DLGAP2: variants seen among roughly 807,000 people sequenced by gnomAD.
The protein encoded by DLGAP2 is DLG associated protein 2, also known as disks large-associated protein 2.
Under a neutral mutation model 100.3 loss-of-function variants are expected in DLGAP2, and 26 were observed. That is an observed-to-expected ratio of 0.26 (90% CI 0.19 to 0.36). DLGAP2 has a LOEUF of 0.36. DLGAP2 is among the 10% of genes least tolerant of loss of function. DLGAP2 has a pLI of 1.00. For synonymous variants in DLGAP2, 886 were observed against 630.1 expected (o/e 1.41, Z -6.08); for missense variants, 1,858 against 1,453.2 (o/e 1.28, Z -4.53).
intron 3 of DLGAP2, among the ~76,000 whole-genome samples, chr8:1,260,597 G>C (rs550403521): frequency 3.4e-4 from 51 of 152,056 alleles, no homozygotes; most frequent in Non-Finnish European, 7.2e-4. Context: ...CTCAGGGATG[G>C]ATATTGGATG....
At chr8:1,534,758 G>A (rs143980836) in intron 4 of DLGAP2, among the ~76,000 whole-genome samples, 1 of 147,444 alleles carries the variant, frequency 6.8e-6, no homozygotes, top group African/African-American at 2.6e-5. Context: ...GTGTTTGTGT[G>A]TGCATGTGTG....
At chr8:1,699,469 C>G (rs1244198988) in intron 14 of DLGAP2, among the ~76,000 whole-genome samples, 1 of 151,324 alleles carries the variant, frequency 6.6e-6, no homozygotes, top group Non-Finnish European at 1.5e-5. Flanking sequence ...AAAAAATTAG[C>G]CAGGCGTGGT....
chr8:1,215,847 GGTTC>G (rs1467375069), intron 2 of DLGAP2, among the ~76,000 whole-genome samples: 15 of 141,560 alleles, frequency 1.1e-4, no homozygotes, highest in African/African-American at 2.9e-4. Context: ...TACCTGGATG[GGTTC>G]ATTTGGGTGC....
chr8:1,039,726 T>C lies in DLGAP2; in HGVS notation c.73+131760T>C, dbSNP rs1274562426. Among the ~76,000 whole-genome samples, 66 of 83,270 alleles carry C rather than the reference T, an allele frequency of 7.9e-4. 1 individual carries two copies. The highest frequency in any genetic ancestry group is 1.3e-3 in the South Asian group (3 of 2,246). The allele number at this position is 83,270 out of a possible 152,430, so 54.6% of individuals were successfully genotyped here. On this transcript the variant is annotated intron_variant, in intron 2 of 14. Transcript: ENST00000637795. ...GTCAGCTCGGTTTCCGTGGTCAGCT[T>C]GGTTTCTGTGGTCAGCTCGGTTTCT...
chr8:1,056,675 C>A (rs1425870417), intron 2 of DLGAP2, among the ~76,000 whole-genome samples: 1 of 152,244 alleles, frequency 6.6e-6, no homozygotes, highest in African/African-American at 2.4e-5. Context: ...CACTGTGCTG[C>A]TGTCAGCATC....
At chr8:1,683,272 G>A (rs1281609373) in intron 12 of DLGAP2, among the ~76,000 whole-genome samples, 1 of 151,626 alleles carries the variant, frequency 6.6e-6, no homozygotes, top group Non-Finnish European at 1.5e-5. Context: ...CACGCGGTTG[G>A]ATTTGGTCAA....
At chr8:1,255,611 T>TCC (rs1799183420) in intron 2 of DLGAP2, among the ~76,000 whole-genome samples, 2 of 96,202 alleles carry the variant, frequency 2.1e-5, no homozygotes. Context: ...GTGTCCTCTC[T>TCC]TGCCTGGGTG....
intron 3 of DLGAP2, among the ~76,000 whole-genome samples, chr8:1,483,248 G>A (rs1438926265): frequency 6.6e-6 from 1 of 152,180 alleles, no homozygotes; most frequent in Non-Finnish European, 1.5e-5. Context: ...TTTTCATGAG[G>A]AAGTGACCCA....
intron 2 of DLGAP2, among the ~76,000 whole-genome samples, chr8:1,051,921 A>C (rs943502265): frequency 6.6e-6 from 1 of 152,132 alleles, no homozygotes; most frequent in Non-Finnish European, 1.5e-5. Flanking sequence ...AGAGCAAATG[A>C]GCTTAAATGC....
intron 3 of DLGAP2, among the ~76,000 whole-genome samples, chr8:1,466,849 G>C (rs1563166276): frequency 6.6e-6 from 1 of 152,140 alleles, no homozygotes; most frequent in African/African-American, 2.4e-5. Context: ...CCAGGGAGAA[G>C]CTGCTTCTTT....
chr8:1,037,589 A>T (rs1235263815), intron 2 of DLGAP2, among the ~76,000 whole-genome samples: 2 of 152,178 alleles, frequency 1.3e-5, no homozygotes, highest in African/African-American at 4.8e-5. Flanking sequence ...CTAAGGGGTT[A>T]ATTTTACGCT....
intron 10 of DLGAP2, among the ~76,000 whole-genome samples, chr8:1,675,109 C>G (rs1798780888): frequency 6.6e-6 from 1 of 152,224 alleles, no homozygotes; most frequent in Non-Finnish European, 1.5e-5. Flanking sequence ...GGGTCAGCTT[C>G]TGCAAACACG....
At chr8:961,402 G>A (rs865816464) in intron 2 of DLGAP2, among the ~76,000 whole-genome samples, 2 of 152,204 alleles carry the variant, frequency 1.3e-5, no homozygotes, top group African/African-American at 2.4e-5. Flanking sequence ...AACAGAGGGT[G>A]TATGCTTCTT....
chr8:1,572,657 G>T (rs1584942393), intron 6 of DLGAP2, among the ~76,000 whole-genome samples: 3 of 122,102 alleles, frequency 2.5e-5, no homozygotes, highest in South Asian at 3.1e-4. Context: ...GGGTGAACTG[G>T]AGGGGCATCT....
intron 3 of DLGAP2, among the ~76,000 whole-genome samples, chr8:1,292,506 T>C (rs1275661958): frequency 1.3e-5 from 2 of 152,252 alleles, no homozygotes; most frequent in Non-Finnish European, 2.9e-5. Flanking sequence ...CTTTCCTTTC[T>C]CTAAAAAATT....
intron 3 of DLGAP2, among the ~76,000 whole-genome samples, chr8:1,275,053 A>T (rs1359065267): frequency 6.6e-6 from 1 of 152,092 alleles, no homozygotes. Context: ...CAGAGCCCAC[A>T]TTGGTGAAGG....
chr8:1,074,868 C>T (rs1411260111), intron 2 of DLGAP2, among the ~76,000 whole-genome samples: 1 of 152,210 alleles, frequency 6.6e-6, no homozygotes, highest in Non-Finnish European at 1.5e-5. Flanking sequence ...GTCACTGGGT[C>T]ATCACCAGCA....
At chr8:951,963 T>C (rs1799490426) in intron 2 of DLGAP2, among the ~76,000 whole-genome samples, 1 of 152,236 alleles carries the variant, frequency 6.6e-6, no homozygotes, top group Non-Finnish European at 1.5e-5. Flanking sequence ...TGCCGTTTGC[T>C]CCTGCTGATC....
intron 2 of DLGAP2, among the ~76,000 whole-genome samples, chr8:1,064,239 A>G (rs1454898014): frequency 2.6e-5 from 4 of 152,234 alleles, no homozygotes; most frequent in African/African-American, 9.6e-5. Context: ...TGCTTTTTTA[A>G]GCCAAGTCAA....
Sources: gnomAD v4.1 joint callset for allele counts (sites outside exome capture counted in the v4.1 genomes callset) on GRCh38, gnomAD v4.1.1 for gene constraint, MANE v1.5 for transcripts, NCBI Gene and HGNC (gene_info 2026-07-23, HGNC 2026-07-21) for gene names.